The following WIZ variants were observed in gnomAD, a reference collection of about 807,000 sequenced individuals.
WIZ encodes the protein WIZ zinc finger, also known as protein Wiz.
A neutral mutation model predicts 140.2 loss-of-function variants in WIZ; 25 were observed. The ratio of observed to expected loss-of-function variants is 0.18; its 90% CI spans 0.13 to 0.25. The LOEUF (loss-of-function observed/expected upper bound fraction) is 0.25. Among genes scored for constraint, WIZ ranks in the 10% least tolerant of loss-of-function variants. The pLI is 1.00. For synonymous variants in WIZ, 1,125 were observed against 1,154.3 expected (o/e 0.97, Z 0.51); for missense variants, 2,231 against 2,632.6 (o/e 0.85, Z 3.34).
rs1968723935 is a variant in WIZ, at chr19:15,425,775, G to A, written c.4367-7C>T. On this transcript the variant is annotated splice_polypyrimidine_tract_variant and splice_region_variant and intron_variant, in intron 9 of 12. Transcript: ENST00000673675. ...ACCGGCTCTGCCCGGGACGCTGCAG[G>A]GGATCCAGGGTAGGGGGAAGGAGGA... 4 of 1,541,866 alleles carry A rather than the reference G, an allele frequency of 2.6e-6. No individual in the cohort carries two copies. The highest frequency in any genetic ancestry group is 1.2e-5 in the South Asian group (1 of 85,168).
chr19:15,424,412 AG>A lies in WIZ; in HGVS notation c.5315-35del. 1 of 1,589,288 alleles carries A rather than the reference AG, an allele frequency of 6.3e-7. No individual in the cohort carries two copies. On this transcript the variant is annotated intron_variant, in intron 11 of 12. Coordinates refer to ENST00000673675, the MANE Select transcript of WIZ (RefSeq NM_001371589.1). This position sits in a 1 kb window ranked among gnomAD's most constrained non-coding sequence, Gnocchi z 9.7. ...GAGAGGGGGACGGGAGATGAGTGGG[AG>A]GGGTGGATGCTGCAGAGACTTGGAA...
intron 6 of WIZ, 149 bp from the exon 7 acceptor site, chr19:15,430,238 C>G: frequency 8.3e-7 from 1 of 1,204,836 alleles, no homozygotes; most frequent in Non-Finnish European, 1.1e-6. Context: ...ATGACCCTAA[C>G]AACGCAGAGA....
chr19:15,440,581 A>T lies in WIZ; in HGVS notation c.413T>A (p.Leu138Gln). 6.5e-7 allele frequency: 1 copy of T among 1,536,154 alleles called. No individual in the cohort carries two copies. Among genetic ancestry groups the T allele is most frequent in the Non-Finnish European group, 8.7e-7 (1 of 1,146,874 alleles). The change falls in exon 4 of 13, where the codon CTA (leucine) becomes CAA (glutamine). Residue 138 changes from leucine (L) to glutamine (Q), a missense_variant. By Grantham distance (113) the Leu-to-Gln change is moderately radical. Coordinates refer to ENST00000673675, the MANE Select transcript of WIZ (RefSeq NM_001371589.1). The surrounding 1 kb of genome is among the most constrained non-coding windows in gnomAD (Gnocchi z 6.2). ...TGAGTCCTCGAATCTCCGCTCAGATAGGATGCCCTCCCCAGCCTCCTGGAC... is the reference window on the plus strand; with the variant it reads ...TGAGTCCTCGAATCTCCGCTCAGATTGGATGCCCTCCCCAGCCTCCTGGAC... ...PLVQEAGEGI[L>Q]SERRFEDSVI...
In WIZ at chr19:15,425,786, TA is replaced by T; in HGVS notation, c.4367-19del. 3 of 1,211,542 alleles carry T rather than the reference TA, an allele frequency of 2.5e-6. No homozygotes were observed. The highest frequency in any genetic ancestry group is 3.2e-6 in the Non-Finnish European group (3 of 941,122). The allele number at this position is 1,211,542 out of a possible 1,614,324, so 75.0% of individuals were successfully genotyped here. A position where few individuals can be genotyped will look rare whatever the true frequency, so the allele number is the denominator to read the frequency against. ...CCGGGACGCTGCAGGGGATCCAGGG[TA>T]GGGGGAAGGAGGAGGAGGAGGAGGA... is the stretch of plus-strand genomic sequence containing the variant. On this transcript the variant is annotated intron_variant, in intron 9 of 12. Transcript: ENST00000673675.
chr19:15,437,174 T>TCC, intron 4 of WIZ, 45 bp from the exon 5 acceptor site: 1 of 1,494,472 alleles, frequency 6.7e-7, no homozygotes, highest in Non-Finnish European at 9.0e-7. Context: ...AGGGGGCTAC[T>TCC]CCCCAGCCCC....
Position 15,428,670 on chromosome 19 carries a change from GT to G in WIZ, c.3416-163del, listed in dbSNP as rs1451922819. Among the ~76,000 whole-genome samples the G allele has an allele frequency of 6.6e-6, 1 of 152,208 alleles. No individual in the cohort carries two copies. The highest frequency in any genetic ancestry group is 1.5e-5 in the Non-Finnish European group (1 of 68,032). On this transcript the variant is annotated intron_variant, in intron 7 of 12. Coordinates refer to ENST00000673675, the MANE Select transcript of WIZ (RefSeq NM_001371589.1). This position sits in a 1 kb window ranked among gnomAD's most constrained non-coding sequence, Gnocchi z 6.4. ...TGAAGTTTGGGAAGCAGGACATCCTGTTTCCTGCCTAGCCCTTTGGCATCGA... is the reference window on the plus strand; with the variant it reads ...TGAAGTTTGGGAAGCAGGACATCCTGTTCCTGCCTAGCCCTTTGGCATCGA...
rs751424815 is a variant in WIZ at position 15,424,763 on chromosome 19, C to T, written c.5164G>A (p.Ala1722Thr). The stretch of plus-strand genomic sequence containing the variant: ...CCGACCACGGCCAGGCCCCCGGGTG[C>T]CAGCCCCAGGGACGGCCGCTTGTCA... Reference protein sequence around the residue: ...DSDKRPSLGLAPGGLAVVGRS... With the variant: ...DSDKRPSLGLTPGGLAVVGRS... Residue 1722 changes from alanine (A) to threonine (T), a missense_variant, in exon 11 of 13, where the codon GCA (alanine) becomes ACA (threonine). By Grantham distance (58) the Ala-to-Thr change is moderately conservative (BLOSUM62 0). This residue lies in a region of WIZ where 299 missense variants were observed against 309.6 expected (regional missense o/e 0.97). Coordinates refer to ENST00000673675, the MANE Select transcript of WIZ (RefSeq NM_001371589.1). This position sits in a 1 kb window ranked among gnomAD's most constrained non-coding sequence, Gnocchi z 9.7. 4 of 1,576,752 alleles carry T rather than the reference C, an allele frequency of 2.5e-6. No individual in the cohort carries two copies. In the African/African-American group the frequency reaches 5.4e-5, roughly 21 times the overall value.
At position 15,431,047 on chromosome 19, in the gene WIZ, G is replaced by C. The variant is rs1969200783; in HGVS notation, c.2876C>G (p.Pro959Arg). Residue 959 changes from proline to arginine, a missense_variant, in exon 6 of 13, where the codon CCT becomes CGT. By Grantham distance (103) the Pro-to-Arg change is moderately radical. This residue lies in a region of WIZ where 137 missense variants were observed against 135.8 expected (regional missense o/e 1.01). Coordinates refer to ENST00000673675, the MANE Select transcript of WIZ (RefSeq NM_001371589.1). ...RLSSKVAAEV[P>R]HGSKQELQDL... ...CTGCAGCTCCTGTTTGCTGCCATGA[G>C]GAACCTCTGCAGCCACTTTGCTGCT... 5 of 1,535,736 alleles carry C rather than the reference G, an allele frequency of 3.3e-6. No individual in the cohort carries two copies. Among genetic ancestry groups the C allele is most frequent in the Non-Finnish European group, 4.4e-6 (5 of 1,146,724 alleles).
chr19:15,423,089 G>A lies in WIZ; in HGVS notation c.5657C>T (p.Ala1886Val). ...SQAPQAQTAA[A>V]EAP ...AATGCTTTTGTGTTAGGGAGCCTCT[G>A]CCGCCGCTGTCTGTGCCTGCGGGGC... Residue 1886 changes from alanine to valine, a missense_variant, in exon 13 of 13, where the codon GCA (alanine) becomes GTA (valine). Coordinates refer to ENST00000673675, the MANE Select transcript of WIZ (RefSeq NM_001371589.1). 1 of 1,611,660 alleles carries A rather than the reference G, an allele frequency of 6.2e-7. No homozygotes were observed. Among genetic ancestry groups the A allele is most frequent in the Non-Finnish European group, 8.5e-7 (1 of 1,179,574 alleles).
rs36206067 is a variant in WIZ at position 15,419,990 on chromosome 19, CTTTT to C, written c.*3082_*3085del. The C allele has an allele frequency of 0.73, 110,094 of 151,772 alleles. 40,392 individuals carry two copies. The highest frequency in any genetic ancestry group is 0.99 in the East Asian group (5,131 of 5,182). The allele number at this position is 151,772 out of a possible 1,614,324, so 9.4% of individuals were successfully genotyped here. A position where few individuals can be genotyped will look rare whatever the true frequency, so the allele number is the denominator to read the frequency against. On this transcript the variant is annotated 3_prime_UTR_variant, in exon 13 of 13. Transcript: ENST00000673675. The stretch of plus-strand genomic sequence containing the variant: ...CTTCTACGCTTCGTGTGTTTTAAAA[CTTTT>C]TTTAAGGTATGCTGTTTCTTTTTGA...
rs1568318121 is a variant in WIZ, at chr19:15,448,345, CG to C, written c.-39del. On this transcript the variant is annotated 5_prime_UTR_variant, in exon 2 of 13. Transcript: ENST00000673675. ...GCTTGGATCCACTCAGCTGCTGCAC[CG>C]GCTCAGCGGGGCATTGTGGGCCTGG... 6.2e-7 allele frequency: 1 copy of C among 1,603,712 alleles called. No individual in the cohort carries two copies. The highest frequency in any genetic ancestry group is 1.3e-5 in the African/African-American group (1 of 74,770).
Position 15,424,470 on chromosome 19 carries a change from A to G in WIZ, c.5315-92T>C. ...AGAGCTGAGGACTGATGCTACCTGGATGGGTGGGATGGGGGATGGATGGGT... is the reference window on the plus strand; with the variant it reads ...AGAGCTGAGGACTGATGCTACCTGGGTGGGTGGGATGGGGGATGGATGGGT... On this transcript the variant is annotated intron_variant, in intron 11 of 12. Coordinates refer to ENST00000673675, the MANE Select transcript of WIZ (RefSeq NM_001371589.1). This position sits in a 1 kb window ranked among gnomAD's most constrained non-coding sequence, Gnocchi z 9.7. 1 of 1,530,066 alleles carries G rather than the reference A, an allele frequency of 6.5e-7. No homozygotes were observed. The highest frequency in any genetic ancestry group is 2.3e-5 in the East Asian group (1 of 42,824). 94.8% of individuals were successfully genotyped at this position (1,530,066 alleles called of 1,614,324 possible).
Position 15,427,497 on chromosome 19 carries a change from T to G in WIZ, c.3851A>C (p.Glu1284Ala). The G allele has an allele frequency of 1.2e-6, 2 of 1,611,398 alleles. No homozygotes were observed. Among genetic ancestry groups the G allele is most frequent in the Non-Finnish European group, 1.7e-6 (2 of 1,178,490 alleles). ...GTTCTCGAAGAACTCACCACAGAAC[T>G]CGCAGCGGATGTCTCGTGCTGGCTC... ...GPEPARDIRCEFCGEFFENRK... is the reference protein window; with the variant it reads ...GPEPARDIRCAFCGEFFENRK... The change falls in exon 9 of 13, where the codon GAG becomes GCG. Residue 1284 changes from glutamate (E) to alanine (A), a missense_variant. Physicochemically the swap from Glu to Ala is moderately radical, Grantham distance 107 (BLOSUM62 -1). This residue lies in a region of WIZ where 141 missense variants were observed against 161.2 expected (regional missense o/e 0.87). Transcript: ENST00000673675. The surrounding 1 kb of genome is among the most constrained non-coding windows in gnomAD (Gnocchi z 6.4).
intron 7 of WIZ, among the ~76,000 whole-genome samples, chr19:15,429,181 C>T (rs1465763986): frequency 1.3e-5 from 2 of 152,162 alleles, no homozygotes; most frequent in African/African-American, 4.8e-5. Context: ...TCGTGGGCAC[C>T]TCCCATCAGG....
At position 15,436,908 on chromosome 19, in the gene WIZ, C is replaced by G; in HGVS notation, c.2638G>C (p.Gly880Arg). 7 of 1,612,708 alleles carry G rather than the reference C, an allele frequency of 4.3e-6. No homozygotes were observed. The highest frequency in any genetic ancestry group is 5.9e-6 in the Non-Finnish European group (7 of 1,179,484). The change falls in exon 5 of 13, where the codon GGT (glycine) becomes CGT (arginine). Residue 880 changes from glycine (G) to arginine (R), a missense_variant. Physicochemically the swap from Gly to Arg is moderately radical, Grantham distance 125. Coordinates refer to ENST00000673675, the MANE Select transcript of WIZ (RefSeq NM_001371589.1). ...PPSPLGREPG[G>R]PPGSFLTSRR... ...GAGGTCAGGAAGCTGCCAGGCGGAC[C>G]CCCAGGCTCTCGGCCCAGGGGGCTG...
Position 15,421,102 on chromosome 19 carries a change from TGA to T in WIZ, c.*1972_*1973del, listed in dbSNP as rs2145170950. On this transcript the variant is annotated 3_prime_UTR_variant, in exon 13 of 13. Transcript: ENST00000673675. ...CTGCACTCCAGCTTGGGCAACAAAA[TGA>T]GACCCTGTCTCAAAAAATAAAATAA... 1 of 152,258 alleles carries T rather than the reference TGA, an allele frequency of 6.6e-6. No individual in the cohort carries two copies. Among genetic ancestry groups the T allele is most frequent in the East Asian group, 1.9e-4 (1 of 5,194 alleles). 9.4% of individuals were successfully genotyped at this position (152,258 alleles called of 1,614,324 possible). A position where few individuals can be genotyped will look rare whatever the true frequency, so the allele number is the denominator to read the frequency against.
At position 15,424,035 on chromosome 19, in the gene WIZ, G is replaced by C; in HGVS notation, c.5510+148C>G. On this transcript the variant is annotated intron_variant, in intron 12 of 12. Coordinates refer to ENST00000673675, the MANE Select transcript of WIZ (RefSeq NM_001371589.1). The surrounding 1 kb of genome is among the most constrained non-coding windows in gnomAD (Gnocchi z 9.7). ...TCTCGCAGGCTACAAAGCTCAGGGTGTCAGCCTTTAGCCTGAGCCCCACCA... is the reference window on the plus strand; with the variant it reads ...TCTCGCAGGCTACAAAGCTCAGGGTCTCAGCCTTTAGCCTGAGCCCCACCA... 3.0e-6 allele frequency: 2 copies of C among 677,458 alleles called. No homozygotes were observed. The highest frequency in any genetic ancestry group is 4.6e-6 in the Non-Finnish European group (2 of 438,752). 42.0% of individuals were successfully genotyped at this position (677,458 alleles called of 1,614,324 possible). A position where few individuals can be genotyped will look rare whatever the true frequency, so the allele number is the denominator to read the frequency against.
Position 15,443,123 on chromosome 19 carries a change from G to A in WIZ, c.206-375C>T, listed in dbSNP as rs147600539. 3.5e-3 allele frequency among the ~76,000 whole-genome samples: 538 copies of A among 152,344 alleles called. 8 individuals are homozygous for A. Among genetic ancestry groups the A allele is most frequent in the African/African-American group, 0.013 (524 of 41,584 alleles). On this transcript the variant is annotated intron_variant, in intron 2 of 12. Transcript: ENST00000673675. ...GTCTTGCTCTGTTGCCCAGGCTGGA[G>A]TGCAATGGCACAATCTCGGCTCACT...
Position 15,439,317 on chromosome 19 carries a change from T to G in WIZ, c.1677A>C (p.Arg559Ser), listed in dbSNP as rs1370092013. The G allele has an allele frequency of 3.3e-6, 5 of 1,535,644 alleles. No homozygotes were observed. Among genetic ancestry groups the G allele is most frequent in the Non-Finnish European group, 4.4e-6 (5 of 1,146,690 alleles). ...GGAGTGGCTTTGACAGCGGGAAATC[T>G]CTGATGCTCAGCTGCTGGCATCCTG... ...FGPGCQQLSI[R>S]DFPLSKPLLH... Residue 559 changes from arginine to serine, a missense_variant, in exon 4 of 13, where the codon AGA becomes AGC. Physicochemically the swap from Arg to Ser is moderately radical, Grantham distance 110. Coordinates refer to ENST00000673675, the MANE Select transcript of WIZ (RefSeq NM_001371589.1). The surrounding 1 kb of genome is among the most constrained non-coding windows in gnomAD (Gnocchi z 7.0).
Sources: allele counts gnomAD v4.1 joint callset (sites outside exome capture counted in the v4.1 genomes callset), GRCh38; gene constraint gnomAD v4.1.1; regional missense constraint gnomAD v4.1.1; non-coding constraint Gnocchi (gnomAD v3.1); transcripts MANE v1.5; gene names NCBI Gene and HGNC (gene_info 2026-07-23, HGNC 2026-07-21).